EARS2: variants seen among roughly 807,000 people sequenced by gnomAD.
EARS2 encodes glutamyl-tRNA synthetase 2, mitochondrial.
Under a neutral mutation model 54.1 loss-of-function variants are expected in EARS2, and 50 were observed. The ratio of observed to expected loss-of-function variants is 0.92; its 90% CI spans 0.74 to 1.17. The LOEUF is 1.17. Among genes scored for constraint, EARS2 ranks in the 50% most tolerant of loss-of-function variants. The probability of loss-of-function intolerance (pLI) is 0.00; values close to 1 mark genes in which losing one functional copy is unlikely to be tolerated. For missense variants in EARS2, 673 were observed against 675.0 expected, an observed-to-expected ratio of 1.00 and a Z score of 0.03; for synonymous variants, 298 against 281.0, an observed-to-expected ratio of 1.06 and a Z score of -0.61.
chr16:23,526,797 T>A (rs929415347), intron 7 of EARS2, among the ~76,000 whole-genome samples: 2 of 152,148 alleles, frequency 1.3e-5, no homozygotes, highest in Non-Finnish European at 2.9e-5. Flanking sequence ...CTGAGCAAGA[T>A]GCTCTGCCCA....
chr16:23,530,614 T>C (rs1311671462), intron 5 of EARS2, among the ~76,000 whole-genome samples: 1 of 152,010 alleles, frequency 6.6e-6, no homozygotes, highest in East Asian at 1.9e-4. Context: ...GCTCACTTAA[T>C]CCCAGAACTT....
At chr16:23,527,185 C>CA (rs1965243294) in intron 7 of EARS2, among the ~76,000 whole-genome samples, 1 of 152,134 alleles carries the variant, frequency 6.6e-6, no homozygotes, top group Non-Finnish European at 1.5e-5. Flanking sequence ...AGGCTGGTCT[C>CA]AAACTCCTGG....
At chr16:23,526,541 A>G (rs1283526093) in intron 7 of EARS2, among the ~76,000 whole-genome samples, 1 of 152,250 alleles carries the variant, frequency 6.6e-6, no homozygotes, top group Non-Finnish European at 1.5e-5. Flanking sequence ...AGGCACAACA[A>G]AAAAGAAACT....
At chr16:23,529,078 A>G (rs1257226678) in intron 7 of EARS2, among the ~76,000 whole-genome samples, 2 of 152,210 alleles carry the variant, frequency 1.3e-5, no homozygotes, top group African/African-American at 2.4e-5. Flanking sequence ...CTACAGTTAC[A>G]TAAGCAATTA....
intron 5 of EARS2, among the ~76,000 whole-genome samples, chr16:23,532,011 C>A (rs1319893622): frequency 1.3e-5 from 2 of 152,138 alleles, no homozygotes; most frequent in African/African-American, 4.8e-5. Flanking sequence ...CAGGGTTTCA[C>A]CATGTTGGCC....
intron 5 of EARS2, chr16:23,532,437 C>T (rs1473197377): frequency 1.7e-5 from 7 of 402,564 alleles, no homozygotes; most frequent in South Asian, 7.1e-5. Context: ...TATTTTCATG[C>T]AACACTTAAT....
intron 1 of EARS2, 129 bp downstream of exon 1, chr16:23,557,076 C>T: frequency 7.3e-7 from 1 of 1,374,064 alleles, no homozygotes. Flanking sequence ...GTAAAATGGG[C>T]TCGCGCTGCC....
chr16:23,537,063 T>G, intron 3 of EARS2: 1 of 245,578 alleles, frequency 4.1e-6, no homozygotes, highest in African/African-American at 2.3e-5. Flanking sequence ...CAGCATTATG[T>G]CTGAATCAAA....
chr16:23,548,203 C>T (rs1270468494), intron 2 of EARS2, among the ~76,000 whole-genome samples: 1 of 151,252 alleles, frequency 6.6e-6, no homozygotes, highest in Non-Finnish European at 1.5e-5. Context: ...CACTGCACTC[C>T]AGCCTGGGCG....
In EARS2 at chr16:23,524,181, C is replaced by A; in HGVS notation, c.*190G>T. The A allele has an allele frequency of 1.6e-6, 1 of 624,632 alleles. No homozygotes were observed. The highest frequency in any genetic ancestry group is 1.9e-5 in the South Asian group (1 of 53,020). 38.7% of individuals were successfully genotyped at this position (624,632 alleles called of 1,614,324 possible). A position where few individuals can be genotyped will look rare whatever the true frequency, so the allele number is the denominator to read the frequency against. On this transcript the variant is annotated 3_prime_UTR_variant, in exon 9 of 9. Coordinates refer to ENST00000449606, the MANE Select transcript of EARS2 (RefSeq NM_001083614.2). ...CCAGGAGGTTAGATGGGTTGGGCTT[C>A]CCCAGCCAATTGACAAAAACGTGCC... is the stretch of plus-strand genomic sequence containing the variant.
chr16:23,534,883 C>A lies in EARS2; in HGVS notation c.958+5G>T, dbSNP rs200441317. Reference sequence around the variant, plus strand: ...GCTGCCAGGACTATTCAGGTGGGCACGTACCTGCAAAACCTGAGCCACAGT... The same window carrying A: ...GCTGCCAGGACTATTCAGGTGGGCAAGTACCTGCAAAACCTGAGCCACAGT... On this transcript the variant is annotated splice_donor_5th_base_variant and intron_variant, in intron 4 of 8. Coordinates refer to ENST00000449606, the MANE Select transcript of EARS2 (RefSeq NM_001083614.2). The A allele has an allele frequency of 6.4e-7, 1 of 1,563,528 alleles. No individual in the cohort carries two copies. Among genetic ancestry groups the A allele is most frequent in the East Asian group, 2.3e-5 (1 of 44,378 alleles).
intron 7 of EARS2, 120 bp downstream of exon 7, chr16:23,529,382 C>G (rs1965282909): frequency 1.5e-6 from 2 of 1,331,206 alleles, no homozygotes; most frequent in Non-Finnish European, 2.0e-6. Flanking sequence ...AGGGTCACTT[C>G]TTCACTGGCC....
intron 3 of EARS2, among the ~76,000 whole-genome samples, chr16:23,538,973 CTTTT>C (rs34153998): frequency 1.3e-4 from 11 of 83,824 alleles, no homozygotes; most frequent in Non-Finnish European, 1.4e-4. Context: ...GGCCCCCCTC[CTTTT>C]TTTTTTTTTT....
intron 2 of EARS2, among the ~76,000 whole-genome samples, chr16:23,550,498 T>C: frequency 7.2e-6 from 1 of 138,492 alleles, no homozygotes; most frequent in East Asian, 2.2e-4. Flanking sequence ...AGTGCAGTGA[T>C]GCAATCTCGG....
rs535887763 is a variant in EARS2 at position 23,531,649 on chromosome 16, T to C, written c.1067+1008A>G. ...CATACAACTGACCTCATAGGTCTGA[T>C]GGGAGAAGTAAATAAAGTAATAGCC... On this transcript the variant is annotated intron_variant, in intron 5 of 8. Coordinates refer to ENST00000449606, the MANE Select transcript of EARS2 (RefSeq NM_001083614.2). 5.1e-4 allele frequency among the ~76,000 whole-genome samples: 78 copies of C among 152,292 alleles called. 1 individual carries two copies. In the South Asian group the frequency reaches 0.015, roughly 30 times the overall value.
rs1016740220 is a variant in EARS2, at chr16:23,554,772, T to C, written c.139+2433A>G. Among the ~76,000 whole-genome samples, 7 of 152,332 alleles carry C rather than the reference T, an allele frequency of 4.6e-5. No homozygotes were observed. In the South Asian group the frequency reaches 1.2e-3, roughly 27 times the overall value. On this transcript the variant is annotated intron_variant, in intron 1 of 8. Transcript: ENST00000449606. ...CTGGATTCAAATTCTGCATCCACCA[T>C]TTATTAGTTGCTACCCCTTGAGAAG...
rs549058278 is a variant in EARS2, at chr16:23,529,620, G to A, written c.1234C>T (p.Arg412Cys). The A allele has an allele frequency of 1.2e-5, 20 of 1,614,028 alleles. No homozygotes were observed. Among genetic ancestry groups the A allele is most frequent in the East Asian group, 2.2e-5 (1 of 44,878 alleles). ...ACTGGGGACACCAAGTCCTGCAGGC[G>A]GCAAATGTGACCCTGGGGAAGGAGG... Reference protein sequence around the residue: ...ILLLRQGHICRLQDLVSPVYS... With the variant: ...ILLLRQGHICCLQDLVSPVYS... Residue 412 changes from arginine to cysteine, a missense_variant, in exon 7 of 9, where the codon CGC (arginine) becomes TGC (cysteine). This residue lies in a region of EARS2 where 338 missense variants were observed against 361.2 expected (regional missense o/e 0.94). Transcript: ENST00000449606.
intron 8 of EARS2, 86 bp from the exon 9 acceptor site, chr16:23,524,540 C>A: frequency 8.5e-7 from 1 of 1,175,764 alleles, no homozygotes; most frequent in African/African-American, 1.5e-5. Context: ...GAAATTATTC[C>A]CAGGCCAGCC....
rs149400304 is a variant in EARS2 at position 23,537,776 on chromosome 16, T to C, written c.486-2416A>G. ...TTTAGTAGAGACAGGGTTTCTTTCT[T>C]TTCTTTTCTTTTTCTTTCTTTTTTT... On this transcript the variant is annotated intron_variant, in intron 3 of 8. Transcript: ENST00000449606. Among the ~76,000 whole-genome samples, 38 of 151,002 alleles carry C rather than the reference T, an allele frequency of 2.5e-4. No homozygotes were observed. The East Asian group carries it at 6.4e-3, about 25-fold the overall frequency.
Sources: allele counts gnomAD v4.1 joint callset (sites outside exome capture counted in the v4.1 genomes callset), GRCh38; gene constraint gnomAD v4.1.1; regional missense constraint gnomAD v4.1.1; transcripts MANE v1.5; gene names NCBI Gene and HGNC (gene_info 2026-07-23, HGNC 2026-07-21).